Variants in CDH13 observed in about 807,000 individuals in gnomAD.
The protein encoded by CDH13 is cadherin 13, also known as cadherin-13.
In CDH13, 24 loss-of-function variants were observed where a neutral mutation model predicts 63.8. The observed-to-expected ratio is 0.38, with a 90% CI of 0.27 to 0.53. CDH13 has a LOEUF of 0.53. CDH13 is among the 20% of genes least tolerant of loss of function. CDH13 has a pLI of 0.85. For synonymous variants in CDH13, 503 were observed against 355.3 expected, an observed-to-expected ratio of 1.42 and a Z score of -4.67; for missense variants, 1,049 against 903.1, an observed-to-expected ratio of 1.16 and a Z score of -2.07.
At chr16:82,892,265 A>G (rs1177298062) in intron 2 of CDH13, among the ~76,000 whole-genome samples, 1 of 152,176 alleles carries the variant, frequency 6.6e-6, no homozygotes, top group Non-Finnish European at 1.5e-5. Context: ...AAAACACTCA[A>G]TAAGAATTTG....
chr16:83,178,329 T>A (rs1397110115), intron 4 of CDH13, among the ~76,000 whole-genome samples: 1 of 152,088 alleles, frequency 6.6e-6, no homozygotes, highest in Non-Finnish European at 1.5e-5. Context: ...AGAAAAATGT[T>A]CCAAGCAGGG....
At chr16:82,945,060 G>C (rs1338520723) in intron 2 of CDH13, among the ~76,000 whole-genome samples, 1 of 152,166 alleles carries the variant, frequency 6.6e-6, no homozygotes, top group African/African-American at 2.4e-5. Context: ...AACAAAAATA[G>C]AAACAGTCAT....
At chr16:83,496,915 C>T (rs935719816) in intron 7 of CDH13, among the ~76,000 whole-genome samples, 4 of 152,136 alleles carry the variant, frequency 2.6e-5, no homozygotes, top group African/African-American at 9.7e-5. Flanking sequence ...AAAAAATGCT[C>T]ATCATCACTG....
At chr16:83,536,242 A>G (rs879327546) in intron 7 of CDH13, among the ~76,000 whole-genome samples, 1 of 152,210 alleles carries the variant, frequency 6.6e-6, no homozygotes, top group Admixed American at 6.5e-5. Context: ...CTTACAATGT[A>G]GTTGGGGGGA....
chr16:83,192,541 C>A (rs1005324688), intron 4 of CDH13, among the ~76,000 whole-genome samples: 17 of 152,136 alleles, frequency 1.1e-4, no homozygotes, highest in African/African-American at 4.1e-4. Context: ...ATCCCCAGAG[C>A]TGTATCCAAA....
intron 5 of CDH13, among the ~76,000 whole-genome samples, chr16:83,229,868 C>T (rs1293496623): frequency 1.3e-5 from 2 of 152,202 alleles, no homozygotes; most frequent in Non-Finnish European, 2.9e-5. Context: ...CCAGACCAAA[C>T]ACTCTGAAGC....
At chr16:83,308,205 C>T (rs1487047817) in intron 5 of CDH13, among the ~76,000 whole-genome samples, 1 of 151,930 alleles carries the variant, frequency 6.6e-6, no homozygotes, top group East Asian at 1.9e-4. Context: ...TTTATAATAC[C>T]ATTACCGTCA....
intron 6 of CDH13, among the ~76,000 whole-genome samples, chr16:83,438,017 C>T (rs114185211): frequency 0.013 from 1,910 of 152,258 alleles, 50 homozygotes; most frequent in African/African-American, 0.043. Flanking sequence ...TTCAGCCACC[C>T]ACCCCTCACC....
At chr16:82,746,710 C>G (rs2034192736) in intron 1 of CDH13, among the ~76,000 whole-genome samples, 1 of 151,716 alleles carries the variant, frequency 6.6e-6, no homozygotes, top group Non-Finnish European at 1.5e-5. Context: ...TTCCTAAGAC[C>G]TAGAAAAAAT....
At chr16:83,305,125 GC>G (rs1164853834) in intron 5 of CDH13, among the ~76,000 whole-genome samples, 2 of 152,138 alleles carry the variant, frequency 1.3e-5, no homozygotes, top group Admixed American at 6.5e-5. Flanking sequence ...TCTGAAGGGG[GC>G]CATCCTGGTC....
At chr16:82,681,151 G>C (rs1162025266) in intron 1 of CDH13, among the ~76,000 whole-genome samples, 2 of 152,188 alleles carry the variant, frequency 1.3e-5, no homozygotes, top group African/African-American at 4.8e-5. Flanking sequence ...AAGGGAAAAT[G>C]CATCCACGTG....
chr16:82,833,842 T>TAG (rs2038649910), intron 1 of CDH13, among the ~76,000 whole-genome samples: 1 of 152,196 alleles, frequency 6.6e-6, no homozygotes, highest in Non-Finnish European at 1.5e-5. Flanking sequence ...GGTTTCTTCC[T>TAG]GGTTGATGCG....
intron 6 of CDH13, among the ~76,000 whole-genome samples, chr16:83,412,005 G>C (rs2092134612): frequency 6.6e-6 from 1 of 152,208 alleles, no homozygotes; most frequent in South Asian, 2.1e-4. Flanking sequence ...AGTGTGCTAA[G>C]TTTAGGTTCT....
At chr16:83,197,822 A>T (rs916480968) in intron 4 of CDH13, among the ~76,000 whole-genome samples, 25 of 144,964 alleles carry the variant, frequency 1.7e-4, no homozygotes, top group African/African-American at 5.8e-4. Context: ...ACACATTCAC[A>T]CACACACACA....
At chr16:83,723,567 G>C (rs1330259018) in intron 10 of CDH13, among the ~76,000 whole-genome samples, 2 of 152,150 alleles carry the variant, frequency 1.3e-5, no homozygotes, top group Non-Finnish European at 2.9e-5. Flanking sequence ...GGCTTTCCCT[G>C]ATCACCTTCG....
At chr16:83,337,059 C>T (rs575226863) in intron 5 of CDH13, among the ~76,000 whole-genome samples, 1 of 152,294 alleles carries the variant, frequency 6.6e-6, no homozygotes, top group East Asian at 1.9e-4. Flanking sequence ...AGCTGAAGGC[C>T]ACGCAGGCTT....
intron 10 of CDH13, among the ~76,000 whole-genome samples, chr16:83,719,210 G>T (rs1482187119): frequency 1.3e-5 from 2 of 152,210 alleles, no homozygotes; most frequent in African/African-American, 4.8e-5. Flanking sequence ...AATGACATTT[G>T]ATTCCAGAAC....
chr16:82,930,429 T>C (rs1166693976), intron 2 of CDH13, among the ~76,000 whole-genome samples: 2 of 151,430 alleles, frequency 1.3e-5, no homozygotes, highest in African/African-American at 4.9e-5. Flanking sequence ...ATATTAAACA[T>C]AGGTGTCTTA....
At chr16:83,548,934 T>C (rs1225484193) in intron 7 of CDH13, among the ~76,000 whole-genome samples, 1 of 152,220 alleles carries the variant, frequency 6.6e-6, no homozygotes, top group East Asian at 1.9e-4. Context: ...CTGAGTATTT[T>C]CTTTGCCCCC....
Sources: allele counts gnomAD v4.1 joint callset (sites outside exome capture counted in the v4.1 genomes callset), GRCh38; gene constraint gnomAD v4.1.1; transcripts MANE v1.5; gene names NCBI Gene and HGNC (gene_info 2026-07-23, HGNC 2026-07-21).